The following NPEPPS variants were observed in gnomAD, a reference collection of about 807,000 sequenced individuals.
The protein encoded by NPEPPS is aminopeptidase puromycin sensitive, also known as puromycin-sensitive aminopeptidase.
In NPEPPS, 14 loss-of-function variants were observed where a neutral mutation model predicts 115.5. That is an observed-to-expected ratio of 0.12 (90% CI 0.08 to 0.19). The LOEUF is 0.19. Ranked by LOEUF, NPEPPS falls within the 10% of genes least tolerant of loss-of-function variation. The pLI, the probability that NPEPPS is intolerant of heterozygous loss-of-function variation, is 1.00. For missense variants in NPEPPS, 523 were observed against 1,110.8 expected, an observed-to-expected ratio of 0.47 and a Z score of 7.52; for synonymous variants, 285 against 390.6, an observed-to-expected ratio of 0.73 and a Z score of 3.19.
At chr17:47,578,493 G>A (rs1911666201) in intron 3 of NPEPPS, among the ~76,000 whole-genome samples, 1 of 151,608 alleles carries the variant, frequency 6.6e-6, no homozygotes, top group Non-Finnish European at 1.5e-5. Context: ...CCATGCATCT[G>A]TATTTAGCAG....
chr17:47,595,191 A>C (rs1383939432), intron 12 of NPEPPS, among the ~76,000 whole-genome samples: 1 of 152,174 alleles, frequency 6.6e-6, no homozygotes, highest in African/African-American at 2.4e-5. Flanking sequence ...TCGGCCTCCC[A>C]AAGTGCTGGG....
At position 47,605,455 on chromosome 17, in the gene NPEPPS, G is replaced by A. The variant is rs1247761050; in HGVS notation, c.1998G>A (p.Leu666=). The change falls in exon 17 of 23, where the codon TTG becomes TTA. Residue 666 remains leucine (L), a synonymous_variant. Transcript: ENST00000322157. Reference sequence around the variant, plus strand: ...ACCTGGGGATTCTCTCAACTCTCTTGTCCCACACAGACTTCTATGAGGAAA... The same window carrying A: ...ACCTGGGGATTCTCTCAACTCTCTTATCCCACACAGACTTCTATGAGGAAA... ...SCNLGILSTL[L]SHTDFYEEIQ... 6.2e-7 allele frequency: 1 copy of A among 1,609,036 alleles called. No homozygotes were observed. The highest frequency in any genetic ancestry group is 1.7e-5 in the Admixed American group (1 of 59,252).
chr17:47,615,073 C>CTTTTTTTT lies in NPEPPS; in HGVS notation c.2295+1364_2295+1371dup, dbSNP rs60829784. Among the ~76,000 whole-genome samples, 304 of 122,440 alleles carry CTTTTTTTT rather than the reference C, an allele frequency of 2.5e-3. 1 individual carries two copies. Among genetic ancestry groups the CTTTTTTTT allele is most frequent in the African/African-American group, 3.3e-3 (97 of 29,724 alleles). 80.3% of individuals were successfully genotyped at this position (122,440 alleles called of 152,430 possible). ...ATGTTGTAATAGGTTTACTTTCTTT[C>CTTTTTTTT]TTTTTTTTTTTTTTTTTTTTTTTGA... On this transcript the variant is annotated intron_variant, in intron 19 of 22. Transcript: ENST00000322157.
In NPEPPS at chr17:47,604,056, A is replaced by T; in HGVS notation, c.1875+7A>T. ...GAATGACCTCTTCTCCTTGGTGAGC[A>T]TCTGTGACTTAAGTAATATGATGGA... On this transcript the variant is annotated splice_region_variant and intron_variant, in intron 16 of 22. Coordinates refer to ENST00000322157, the MANE Select transcript of NPEPPS (RefSeq NM_006310.4). The T allele has an allele frequency of 6.2e-7, 1 of 1,603,866 alleles. No individual in the cohort carries two copies. The highest frequency in any genetic ancestry group is 8.5e-7 in the Non-Finnish European group (1 of 1,173,230).
chr17:47,589,303 C>T (rs1242596485), intron 9 of NPEPPS, among the ~76,000 whole-genome samples: 4 of 152,042 alleles, frequency 2.6e-5, no homozygotes, highest in African/African-American at 4.8e-5. Flanking sequence ...TCACCCAAGC[C>T]GGAGTGCAGT....
At chr17:47,570,838 G>C (rs1266153376) in intron 3 of NPEPPS, among the ~76,000 whole-genome samples, 1 of 152,190 alleles carries the variant, frequency 6.6e-6, no homozygotes, top group South Asian at 2.1e-4. Flanking sequence ...CCTTGATATC[G>C]CTGGGGGAAG....
intron 13 of NPEPPS, among the ~76,000 whole-genome samples, chr17:47,598,402 A>G (rs545812713): frequency 6.6e-6 from 1 of 152,256 alleles, no homozygotes; most frequent in East Asian, 1.9e-4. Context: ...TGAGCACAGG[A>G]GGTGTGAAGG....
intron 1 of NPEPPS, among the ~76,000 whole-genome samples, chr17:47,523,666 G>T (rs1907310336): frequency 6.6e-6 from 1 of 152,038 alleles, no homozygotes; most frequent in Non-Finnish European, 1.5e-5. Context: ...CAAGTGATCT[G>T]CCTGCCTCGG....
At chr17:47,571,262 AT>A (rs1911174014) in intron 3 of NPEPPS, among the ~76,000 whole-genome samples, 1 of 152,188 alleles carries the variant, frequency 6.6e-6, no homozygotes, top group Non-Finnish European at 1.5e-5. Flanking sequence ...TGTTGACATA[AT>A]TGGTGATTTT....
At chr17:47,615,881 G>A (rs749031873) in intron 19 of NPEPPS, among the ~76,000 whole-genome samples, 89 of 152,200 alleles carry the variant, frequency 5.8e-4, no homozygotes, top group Non-Finnish European at 9.7e-4. Flanking sequence ...AATGAAGGCC[G>A]AATCATGGTT....
chr17:47,621,353 T>G (rs1232337046), intron 22 of NPEPPS, among the ~76,000 whole-genome samples: 5 of 152,180 alleles, frequency 3.3e-5, no homozygotes, highest in Non-Finnish European at 7.3e-5. Flanking sequence ...TTATATGGAT[T>G]GTCTCTTTAA....
At chr17:47,525,109 T>C (rs1166667980) in intron 1 of NPEPPS, among the ~76,000 whole-genome samples, 6 of 152,044 alleles carry the variant, frequency 3.9e-5, no homozygotes, top group African/African-American at 7.2e-5. Flanking sequence ...ATTTCTGTTA[T>C]TTCAGAGAAG....
chr17:47,530,351 G>GTTTT (rs58886094), upstream of NPEPPS, among the ~76,000 whole-genome samples: 12 of 97,794 alleles, frequency 1.2e-4, no homozygotes, highest in African/African-American at 1.6e-4. Flanking sequence ...ATTATTAAAG[G>GTTTT]TTTTTTTTTT....
rs149430257 is a variant in NPEPPS, at chr17:47,590,048, G to A, written c.1096-669G>A. 5.9e-3 allele frequency among the ~76,000 whole-genome samples: 892 copies of A among 151,624 alleles called. 5 individuals carry two copies. The highest frequency in any genetic ancestry group is 0.017 in the African/African-American group (718 of 41,284). On this transcript the variant is annotated intron_variant, in intron 9 of 22. Coordinates refer to ENST00000322157, the MANE Select transcript of NPEPPS (RefSeq NM_006310.4). ...CCTTTGGTATTTAAAAAGTTACTTA[G>A]GACTGAATGCACTGGCTTACGCGTG...
Position 47,618,995 on chromosome 17 carries a change from C to CT in NPEPPS, c.2404-11dup. 1 of 1,609,524 alleles carries CT rather than the reference C, an allele frequency of 6.2e-7. No homozygotes were observed. Among genetic ancestry groups the CT allele is most frequent in the African/African-American group, 1.3e-5 (1 of 74,794 alleles). ...TTTGATACACTAGACTTTTAGCTCT[C>CT]TTTCTTTTTTTAGGAAGAGGTACGT... On this transcript the variant is annotated splice_polypyrimidine_tract_variant and intron_variant, in intron 20 of 22. Transcript: ENST00000322157.
intron 2 of NPEPPS, among the ~76,000 whole-genome samples, chr17:47,546,404 C>T (rs1197261578): frequency 2.6e-4 from 40 of 151,224 alleles, no homozygotes; most frequent in Admixed American, 9.9e-4. Flanking sequence ...CCAGCCTGTG[C>T]GACAGAGTGA....
At chr17:47,600,996 G>T (rs142654880) in intron 14 of NPEPPS, among the ~76,000 whole-genome samples, 1 of 152,146 alleles carries the variant, frequency 6.6e-6, no homozygotes, top group Non-Finnish European at 1.5e-5. Flanking sequence ...GCTGAGGCGT[G>T]TGGATCCCTT....
At chr17:47,602,827 A>G (rs1160497719) in intron 15 of NPEPPS, among the ~76,000 whole-genome samples, 5 of 151,800 alleles carry the variant, frequency 3.3e-5, no homozygotes, top group African/African-American at 1.2e-4. Flanking sequence ...TTTTAAATAT[A>G]TATTTAAAAT....
chr17:47,592,919 G>A (rs1453215805), intron 12 of NPEPPS, among the ~76,000 whole-genome samples: 1 of 151,774 alleles, frequency 6.6e-6, no homozygotes, highest in East Asian at 1.9e-4. Flanking sequence ...CCTACCCCAT[G>A]ACAGGCCCTG....
Sources: allele counts gnomAD v4.1 joint callset (sites outside exome capture counted in the v4.1 genomes callset), GRCh38; gene constraint gnomAD v4.1.1; transcripts MANE v1.5; gene names NCBI Gene and HGNC (gene_info 2026-07-23, HGNC 2026-07-21).